Variants in TBL1XR1 observed in about 807,000 individuals in gnomAD.
The protein encoded by TBL1XR1 is TBL1X/Y related 1, also known as F-box-like/WD repeat-containing protein TBL1XR1.
Under a neutral mutation model 66.9 loss-of-function variants are expected in TBL1XR1, and 5 were observed. The ratio of observed to expected loss-of-function variants is 0.07; its 90% CI spans 0.04 to 0.16. The LOEUF (loss-of-function observed/expected upper bound fraction) is 0.16. Among genes scored for constraint, TBL1XR1 ranks in the 10% least tolerant of loss-of-function variants. The probability of loss-of-function intolerance (pLI) is 1.00; values close to 1 mark genes in which losing one functional copy is unlikely to be tolerated. For synonymous variants in TBL1XR1, 210 were observed against 206.0 expected (o/e 1.02, Z -0.17); for missense variants, 238 against 623.2 (o/e 0.38, Z 6.58).
At chr3:177,071,826 T>C (rs1302392049) in intron 2 of TBL1XR1, among the ~76,000 whole-genome samples, 1 of 152,182 alleles carries the variant, frequency 6.6e-6, no homozygotes, top group African/African-American at 2.4e-5. Flanking sequence ...TTCCAACTTT[T>C]ATTGAAAACT....
intron 1 of TBL1XR1, among the ~76,000 whole-genome samples, chr3:177,132,072 TCCCAAGAGCTATGG>T (rs1728366999): frequency 6.6e-6 from 1 of 152,214 alleles, no homozygotes; most frequent in African/African-American, 2.4e-5. Context: ...AAACCATGAA[TCCCAAGAGCTATGG>T]CCTGTCTGTA....
chr3:177,175,652 G>A (rs912636728), intron 1 of TBL1XR1, among the ~76,000 whole-genome samples: 5 of 152,106 alleles, frequency 3.3e-5, no homozygotes, highest in African/African-American at 9.7e-5. Flanking sequence ...TCAACATAAC[G>A]TGTTAAGGAT....
At chr3:177,039,724 T>C (rs1361024702) in intron 10 of TBL1XR1, among the ~76,000 whole-genome samples, 5 of 151,834 alleles carry the variant, frequency 3.3e-5, no homozygotes, top group African/African-American at 1.2e-4. Context: ...AAAGCAGGGG[T>C]TGACAAACTA....
At chr3:177,097,901 A>G (rs1723696970) in intron 2 of TBL1XR1, among the ~76,000 whole-genome samples, 1 of 152,208 alleles carries the variant, frequency 6.6e-6, no homozygotes, top group Non-Finnish European at 1.5e-5. Flanking sequence ...GACGTTTTTA[A>G]AACTACAGAA....
intron 1 of TBL1XR1, among the ~76,000 whole-genome samples, chr3:177,138,087 T>C (rs150924182): frequency 6.0e-4 from 91 of 152,212 alleles, no homozygotes; most frequent in African/African-American, 2.1e-3. Context: ...AAAACCCACG[T>C]TTAAGACATG....
chr3:177,196,958 C>G (rs1051409769), intron 1 of TBL1XR1, among the ~76,000 whole-genome samples, 163 bp downstream of exon 1: 1 of 151,772 alleles, frequency 6.6e-6, no homozygotes, highest in Non-Finnish European at 1.5e-5. Context: ...CCTGCCTTCC[C>G]TTCCCCCACG....
chr3:177,123,173 T>G (rs1168508028), intron 1 of TBL1XR1, among the ~76,000 whole-genome samples: 1 of 152,136 alleles, frequency 6.6e-6, no homozygotes, highest in Non-Finnish European at 1.5e-5. Flanking sequence ...TCTTGATTAG[T>G]ATATTGTAAT....
chr3:177,035,379 T>C (rs1714627468), intron 12 of TBL1XR1, among the ~76,000 whole-genome samples: 3 of 151,778 alleles, frequency 2.0e-5, no homozygotes, highest in Admixed American at 2.0e-4. Context: ...CTTTTCTTAC[T>C]CTGTACTACC....
At chr3:177,143,851 C>T (rs1729923708) in intron 1 of TBL1XR1, among the ~76,000 whole-genome samples, 1 of 152,168 alleles carries the variant, frequency 6.6e-6, no homozygotes, top group Non-Finnish European at 1.5e-5. Flanking sequence ...GAAAACAACG[C>T]TTTGGGGAAC....
chr3:177,163,722 G>T (rs1560248324), intron 1 of TBL1XR1, among the ~76,000 whole-genome samples: 1 of 152,082 alleles, frequency 6.6e-6, no homozygotes, highest in Non-Finnish European at 1.5e-5. Context: ...TTAGCTCTAG[G>T]AAAGTAACTT....
chr3:177,108,023 CAA>C (rs367992515), intron 1 of TBL1XR1, among the ~76,000 whole-genome samples: 1 of 145,236 alleles, frequency 6.9e-6, no homozygotes. Context: ...AAACTTTATT[CAA>C]AAAAAAAAAA....
In TBL1XR1 at chr3:177,102,477, T is replaced by C. The variant is rs1426121301; in HGVS notation, c.-121-3936A>G. On this transcript the variant is annotated intron_variant, in intron 1 of 15. Transcript: ENST00000457928. ...GCATTTATAAAGCACACCACGTAAT[T>C]AAAATAAACATCTGAATTTTAAAAG... is the stretch of plus-strand genomic sequence containing the variant. 2.0e-5 allele frequency among the ~76,000 whole-genome samples: 3 copies of C among 152,226 alleles called. No individual in the cohort carries two copies. The East Asian group carries it at 5.8e-4, about 29-fold the overall frequency.
intron 7 of TBL1XR1, among the ~76,000 whole-genome samples, chr3:177,049,367 A>G (rs1314662109): frequency 6.6e-6 from 1 of 152,214 alleles, no homozygotes; most frequent in Non-Finnish European, 1.5e-5. Context: ...ATTTAAAACT[A>G]TAATGGTGAG....
chr3:177,078,262 A>G (rs972988463), intron 2 of TBL1XR1, among the ~76,000 whole-genome samples: 4 of 152,204 alleles, frequency 2.6e-5, no homozygotes, highest in Non-Finnish European at 4.4e-5. Flanking sequence ...TTAAACTTTC[A>G]TAAATAATAA....
At position 177,064,947 on chromosome 3, in the gene TBL1XR1, A is replaced by G; in HGVS notation, c.31T>C (p.Leu11=). The G allele has an allele frequency of 1.3e-6, 2 of 1,551,168 alleles. No homozygotes were observed. Among genetic ancestry groups the G allele is most frequent in the Non-Finnish European group, 1.7e-6 (2 of 1,147,354 alleles). MSISSDEVNF[L]VYRYLQESGF... ...GACTCTTGCAAGTATCTATATACCA[A>G]GAAGTTGACCTCATCACTGCTTATA... Residue 11 remains leucine, a synonymous_variant, in exon 3 of 16, where the codon TTG becomes CTG. Transcript: ENST00000457928.
chr3:177,067,692 G>A (rs1399465377), intron 2 of TBL1XR1, among the ~76,000 whole-genome samples: 5 of 151,582 alleles, frequency 3.3e-5, no homozygotes, highest in East Asian at 1.9e-4. Context: ...ATTAGTTCCC[G>A]GCAATTAAGT....
Position 177,019,722 on chromosome 3 carries a change from C to G in TBL1XR1, c.*5776G>C, listed in dbSNP as rs1408533900. On this transcript the variant is annotated 3_prime_UTR_variant, in exon 16 of 16. Coordinates refer to ENST00000457928, the MANE Select transcript of TBL1XR1 (RefSeq NM_024665.7). The stretch of plus-strand genomic sequence containing the variant: ...AAATTAAAAATAATCCCTTCTATTA[C>G]TGTTCAAATTAGTTTCAGCTTTCCC... 6.6e-6 allele frequency: 1 copy of G among 152,090 alleles called. No individual in the cohort carries two copies. Among genetic ancestry groups the G allele is most frequent in the African/African-American group, 2.4e-5 (1 of 41,422 alleles). 9.4% of individuals were successfully genotyped at this position (152,090 alleles called of 1,614,324 possible).
intron 10 of TBL1XR1, among the ~76,000 whole-genome samples, chr3:177,045,398 AG>A (rs1716187606): frequency 6.6e-6 from 1 of 152,088 alleles, no homozygotes; most frequent in South Asian, 2.1e-4. Flanking sequence ...AGCGGCGCAA[AG>A]GTTCTAGGCT....
intron 1 of TBL1XR1, among the ~76,000 whole-genome samples, chr3:177,149,668 C>G (rs1441264473): frequency 6.6e-6 from 1 of 152,078 alleles, no homozygotes; most frequent in Non-Finnish European, 1.5e-5. Flanking sequence ...TACCTGCTTT[C>G]GTATGGCCCA....
Sources: gnomAD v4.1 joint callset for allele counts (sites outside exome capture counted in the v4.1 genomes callset) on GRCh38, gnomAD v4.1.1 for gene constraint, MANE v1.5 for transcripts, NCBI Gene and HGNC (gene_info 2026-07-23, HGNC 2026-07-21) for gene names.